The following LEMD1 variants were observed in gnomAD, a reference collection of about 807,000 sequenced individuals.
LEMD1 encodes LEM domain-containing protein 1.
A neutral mutation model predicts 17.4 loss-of-function variants in LEMD1; 18 were observed. The observed-to-expected ratio is 1.04, with a 90% CI of 0.72 to 1.54. The LOEUF (loss-of-function observed/expected upper bound fraction) is 1.54. LEMD1 is among the 40% of genes most tolerant of loss of function. The pLI is 0.00. For missense variants in LEMD1, 195 were observed against 210.4 expected (o/e 0.93, Z 0.45); for synonymous variants, 88 against 77.8 (o/e 1.13, Z -0.69).
At chr1:205,422,388 T>C (rs1018693679), upstream of LEMD1, among the ~76,000 whole-genome samples, 6 of 152,186 alleles carry the variant, frequency 3.9e-5, no homozygotes, top group Non-Finnish European at 8.8e-5. Flanking sequence ...ATACTAGTAG[T>C]TGGGCAATTT....
At chr1:205,426,907 T>C (rs927291902), upstream of LEMD1, among the ~76,000 whole-genome samples, 22 of 151,978 alleles carry the variant, frequency 1.4e-4, no homozygotes, top group Admixed American at 2.6e-4. Flanking sequence ...AGAGACCAAG[T>C]GTGTCCCTCA....
chr1:205,445,100 G>C (rs1333970970), intron 1 of LEMD1, among the ~76,000 whole-genome samples: 1 of 152,122 alleles, frequency 6.6e-6, no homozygotes, highest in Non-Finnish European at 1.5e-5. Context: ...ACCGGATTTG[G>C]GGGATTAGCT....
chr1:205,407,269 G>A (rs998418920), intron 4 of LEMD1, among the ~76,000 whole-genome samples: 2 of 148,722 alleles, frequency 1.3e-5, no homozygotes, highest in Non-Finnish European at 3.0e-5. Context: ...GGGGGAGGTT[G>A]CAGTAAGCTG....
At chr1:205,382,460 A>C (rs1457638044) in intron 5 of LEMD1, among the ~76,000 whole-genome samples, 1 of 151,906 alleles carries the variant, frequency 6.6e-6, no homozygotes, top group Non-Finnish European at 1.5e-5. Context: ...ACGAGGGCTC[A>C]CCATGTTGCC....
chr1:205,410,428 A>G (rs1665334057), intron 4 of LEMD1, among the ~76,000 whole-genome samples: 1 of 152,216 alleles, frequency 6.6e-6, no homozygotes, highest in Non-Finnish European at 1.5e-5. Context: ...ATGGTCATCC[A>G]TTCACAATGA....
chr1:205,430,150 A>G (rs1452633056), intron 1 of LEMD1, among the ~76,000 whole-genome samples: 2 of 152,210 alleles, frequency 1.3e-5, no homozygotes, highest in Non-Finnish European at 2.9e-5. Context: ...CAGGCTCCTC[A>G]CTTTGCAGAG....
chr1:205,430,829 T>C (rs1666116107), intron 1 of LEMD1, among the ~76,000 whole-genome samples: 1 of 152,252 alleles, frequency 6.6e-6, no homozygotes, highest in East Asian at 1.9e-4. Flanking sequence ...CCGCTCAGTT[T>C]TAAACTCGCA....
chr1:205,420,209 T>C (rs1665896733), intron 2 of LEMD1, among the ~76,000 whole-genome samples: 1 of 152,122 alleles, frequency 6.6e-6, no homozygotes, highest in Non-Finnish European at 1.5e-5. Flanking sequence ...TCCCAGCTGC[T>C]TGGGAGGCTC....
intron 5 of LEMD1, chr1:205,382,164 G>A: frequency 3.7e-6 from 1 of 269,338 alleles, no homozygotes; most frequent in Non-Finnish European, 7.0e-6. Context: ...ACCACCCCCA[G>A]CTAATTAAAA....
At chr1:205,421,825 A>C (rs1336249041) in intron 1 of LEMD1, among the ~76,000 whole-genome samples, 165 bp downstream of exon 1, 2 of 152,132 alleles carry the variant, frequency 1.3e-5, no homozygotes, top group African/African-American at 4.8e-5. Flanking sequence ...ATCCTATGAC[A>C]TTTGTTCCTG....
intron 4 of LEMD1, among the ~76,000 whole-genome samples, chr1:205,408,237 T>G (rs1665214994): frequency 1.3e-5 from 2 of 152,086 alleles, no homozygotes. Flanking sequence ...TAGGAGAGTG[T>G]CCTTTGGTAG....
In LEMD1 at chr1:205,444,234, A is replaced by G. The variant is rs2102469757; in HGVS notation, c.-39+5634T>C. On this transcript the variant is annotated intron_variant, in intron 1 of 3. Transcript: ENST00000367154. ...AATAGGATGGAGAGGCAGGGTGGAC[A>G]CTGGACAAACCTCCTGCTACCACAC... 1.3e-5 allele frequency among the ~76,000 whole-genome samples: 2 copies of G among 152,196 alleles called. 1 individual carries two copies. The highest frequency in any genetic ancestry group is 3.9e-4 in the East Asian group (2 of 5,178).
intron 1 of LEMD1, among the ~76,000 whole-genome samples, chr1:205,439,406 AC>A (rs1205456539): frequency 6.6e-6 from 1 of 152,186 alleles, no homozygotes; most frequent in African/African-American, 2.4e-5. Context: ...CATAAAGACA[AC>A]CTGAATCCCA....
chr1:205,382,734 A>G (rs1663780522), intron 5 of LEMD1, among the ~76,000 whole-genome samples: 1 of 152,212 alleles, frequency 6.6e-6, no homozygotes, highest in African/African-American at 2.4e-5. Flanking sequence ...GGGAAATTGT[A>G]TAAGTGGATG....
chr1:205,438,979 T>A, intron 1 of LEMD1, among the ~76,000 whole-genome samples: 1 of 152,218 alleles, frequency 6.6e-6, no homozygotes, highest in East Asian at 1.9e-4. Context: ...CTGGTGAGCC[T>A]GTGTGGTCAG....
chr1:205,389,033 C>CTTTTTTTTTTTTTTTTTTTTTTTTTTTT (rs1278093645), intron 4 of LEMD1, among the ~76,000 whole-genome samples: 1 of 77,090 alleles, frequency 1.3e-5, no homozygotes. Context: ...AGTACATTTG[C>CTTTTTTTTTTTTTTTTTTTTTTTTTTTT]TTTCTTTTTT....
intron 4 of LEMD1, among the ~76,000 whole-genome samples, chr1:205,415,098 G>A (rs1322659218): frequency 2.6e-5 from 4 of 152,150 alleles, no homozygotes; most frequent in Admixed American, 6.5e-5. Flanking sequence ...AACCCAGGCC[G>A]CAGATGCAGG....
At chr1:205,406,118 G>A (rs939485720) in intron 4 of LEMD1, among the ~76,000 whole-genome samples, 2 of 152,228 alleles carry the variant, frequency 1.3e-5, no homozygotes, top group African/African-American at 4.8e-5. Flanking sequence ...CCCCTACTGG[G>A]GGGTGCCTCC....
At chr1:205,385,630 C>T (rs925026900) in intron 4 of LEMD1, 1 of 152,288 alleles carries the variant, frequency 6.6e-6, no homozygotes, top group African/African-American at 2.4e-5. Flanking sequence ...CACTATCAAG[C>T]ATGGTTATTT....
Sources: gnomAD v4.1 joint callset for allele counts (sites outside exome capture counted in the v4.1 genomes callset) on GRCh38, gnomAD v4.1.1 for gene constraint, MANE v1.5 for transcripts, NCBI Gene and HGNC (gene_info 2026-07-23, HGNC 2026-07-21) for gene names.